CNTNAP2: variants seen among roughly 807,000 people sequenced by gnomAD.
CNTNAP2 encodes the protein contactin associated protein 2, also known as contactin-associated protein-like 2.
In CNTNAP2, 98 loss-of-function variants were observed where a neutral mutation model predicts 155.2. The observed-to-expected ratio is 0.63, with a 90% CI of 0.54 to 0.75. The LOEUF (loss-of-function observed/expected upper bound fraction) is 0.75, where lower values mean the gene tolerates loss of function less well. Ranked by LOEUF, CNTNAP2 falls within the 30% of genes least tolerant of loss-of-function variation. The pLI is 0.00. For missense variants in CNTNAP2, 1,727 were observed against 1,688.1 expected, an observed-to-expected ratio of 1.02 and a Z score of -0.40; for synonymous variants, 651 against 631.2, an observed-to-expected ratio of 1.03 and a Z score of -0.47.
chr7:147,724,904 T>A (rs1246062211), intron 13 of CNTNAP2, among the ~76,000 whole-genome samples: 1 of 151,746 alleles, frequency 6.6e-6, no homozygotes, highest in Non-Finnish European at 1.5e-5. Context: ...ATGACTGGAA[T>A]GAATGACTAA....
At chr7:147,046,427 G>T (rs1338841815) in intron 4 of CNTNAP2, among the ~76,000 whole-genome samples, 4 of 152,150 alleles carry the variant, frequency 2.6e-5, no homozygotes, top group African/African-American at 9.7e-5. Context: ...AGAATTATCT[G>T]TGCTGATATT....
At chr7:146,413,243 A>C (rs1424735034) in intron 1 of CNTNAP2, among the ~76,000 whole-genome samples, 1 of 152,188 alleles carries the variant, frequency 6.6e-6, no homozygotes, top group Non-Finnish European at 1.5e-5. Context: ...GTCCAGCCTC[A>C]TGAGAGAAGA....
intron 11 of CNTNAP2, among the ~76,000 whole-genome samples, chr7:147,491,974 C>G (rs1476942222): frequency 2.0e-5 from 3 of 152,018 alleles, no homozygotes; most frequent in African/African-American, 7.3e-5. Context: ...GTTAAGATGC[C>G]CCATTCATTA....
chr7:147,107,790 A>T (rs1036941276), intron 4 of CNTNAP2, among the ~76,000 whole-genome samples: 1 of 152,280 alleles, frequency 6.6e-6, no homozygotes, highest in African/African-American at 2.4e-5. Context: ...GGAATCAAAC[A>T]TTTAAGTCTC....
chr7:146,213,129 AT>A (rs2116885691), intron 1 of CNTNAP2, among the ~76,000 whole-genome samples: 1 of 152,322 alleles, frequency 6.6e-6, no homozygotes, highest in African/African-American at 2.4e-5. Flanking sequence ...CTAAGTTGCC[AT>A]TTCCAGATTA....
chr7:147,516,282 A>C (rs1185095955), intron 11 of CNTNAP2, among the ~76,000 whole-genome samples: 1 of 152,124 alleles, frequency 6.6e-6, no homozygotes, highest in East Asian at 1.9e-4. Context: ...AGACAAAATT[A>C]CTCAGGCTCA....
chr7:146,668,115 A>G (rs902066073), intron 1 of CNTNAP2, among the ~76,000 whole-genome samples: 2 of 151,978 alleles, frequency 1.3e-5, no homozygotes, highest in Non-Finnish European at 2.9e-5. Context: ...TGTTTGTAAT[A>G]TGTGCCTTTT....
intron 1 of CNTNAP2, among the ~76,000 whole-genome samples, chr7:146,311,499 T>C (rs758977539): frequency 2.7e-5 from 4 of 149,778 alleles, no homozygotes; most frequent in Non-Finnish European, 4.4e-5. Flanking sequence ...AGGTCAGGCA[T>C]GGTGGCTCAG....
intron 3 of CNTNAP2, among the ~76,000 whole-genome samples, chr7:146,962,626 C>T (rs1345015153): frequency 6.6e-6 from 1 of 152,206 alleles, no homozygotes. Context: ...TCTTGACTCA[C>T]TGCAACCTCC....
At chr7:146,131,834 C>T (rs368297293) in intron 1 of CNTNAP2, among the ~76,000 whole-genome samples, 5 of 151,988 alleles carry the variant, frequency 3.3e-5, no homozygotes, top group Non-Finnish European at 5.9e-5. Flanking sequence ...GGATTATGAG[C>T]GCGGTTTCCC....
chr7:148,165,944 C>T (rs1278641710), intron 17 of CNTNAP2, among the ~76,000 whole-genome samples: 1 of 152,164 alleles, frequency 6.6e-6, no homozygotes, highest in Non-Finnish European at 1.5e-5. Flanking sequence ...TCATCTCATG[C>T]CTCCTTCCCT....
In CNTNAP2 at chr7:148,416,536, T is replaced by TCTTTTTCTTTTA. The variant is rs1563081262; in HGVS notation, c.*920_*921insCTTTTTCTTTTA. On this transcript the variant is annotated 3_prime_UTR_variant, in exon 24 of 24. Coordinates refer to ENST00000361727, the MANE Select transcript of CNTNAP2 (RefSeq NM_014141.6). ...TTGTTTGCTCTTTTTCTTTTATAGT[T>TCTTTTTCTTTTA]TAGTTATAGCAAAAATATGGATAAT... 1.5e-3 allele frequency: 1 copy of TCTTTTTCTTTTA among 658 alleles called. No homozygotes were observed. The highest frequency in any genetic ancestry group is 4.3e-3 in the Non-Finnish European group (1 of 232). 0.0% of individuals were successfully genotyped at this position (658 alleles called of 1,614,324 possible). A position where few individuals can be genotyped will look rare whatever the true frequency, so the allele number is the denominator to read the frequency against.
chr7:147,038,806 G>T (rs751423528), intron 3 of CNTNAP2, among the ~76,000 whole-genome samples: 1 of 152,148 alleles, frequency 6.6e-6, no homozygotes, highest in Admixed American at 6.5e-5. Context: ...TCTTTACTCA[G>T]AGAGGGGGAT....
At position 146,869,880 on chromosome 7, in the gene CNTNAP2, G is replaced by A. The variant is rs117931503; in HGVS notation, c.402+29976G>A. Among the ~76,000 whole-genome samples the A allele has an allele frequency of 3.7e-3, 562 of 152,186 alleles. 2 individuals are homozygous for A. The highest frequency in any genetic ancestry group is 0.017 in the Middle Eastern group (5 of 292). On this transcript the variant is annotated intron_variant, in intron 3 of 23. Coordinates refer to ENST00000361727, the MANE Select transcript of CNTNAP2 (RefSeq NM_014141.6). ...TCTTCCTCTCCCAGTCCACTGACTC[G>A]AATATTAATCTCTTCTGGTAACACT... is the stretch of plus-strand genomic sequence containing the variant.
intron 1 of CNTNAP2, among the ~76,000 whole-genome samples, chr7:146,331,317 A>T (rs967247124): frequency 6.7e-5 from 9 of 134,888 alleles, no homozygotes; most frequent in Non-Finnish European, 1.1e-4. Flanking sequence ...AAAAAAAAAA[A>T]TAAAAATAAC....
intron 5 of CNTNAP2, among the ~76,000 whole-genome samples, chr7:147,118,088 C>T (rs1458832707): frequency 6.6e-6 from 1 of 151,816 alleles, no homozygotes; most frequent in African/African-American, 2.4e-5. Context: ...CAAGATAACT[C>T]ATAAAAGAAA....
At chr7:147,702,474 G>A (rs1478676153) in intron 13 of CNTNAP2, among the ~76,000 whole-genome samples, 1 of 151,688 alleles carries the variant, frequency 6.6e-6, no homozygotes, top group Admixed American at 6.6e-5. Context: ...TCCCACATAT[G>A]TTTCAGTAAG....
Position 148,083,540 on chromosome 7 carries a change from G to A in CNTNAP2, c.2384-34578G>A, listed in dbSNP as rs1265031751. ...GGAGAAAGTGGACTGAGATTTACAT[G>A]TTTTACTCCCTGAAGAGACTAGCAG... On this transcript the variant is annotated intron_variant, in intron 15 of 23. Coordinates refer to ENST00000361727, the MANE Select transcript of CNTNAP2 (RefSeq NM_014141.6). 3.9e-5 allele frequency among the ~76,000 whole-genome samples: 6 copies of A among 152,164 alleles called. No homozygotes were observed. The South Asian group carries it at 8.3e-4, about 21-fold the overall frequency.
At chr7:147,331,670 A>G (rs924720402) in intron 9 of CNTNAP2, among the ~76,000 whole-genome samples, 3 of 152,134 alleles carry the variant, frequency 2.0e-5, no homozygotes, top group African/African-American at 7.2e-5. Flanking sequence ...CACGGAGTCT[A>G]TAGAAGCCAC....
Sources: gnomAD v4.1 joint callset for allele counts (sites outside exome capture counted in the v4.1 genomes callset) on GRCh38, gnomAD v4.1.1 for gene constraint, MANE v1.5 for transcripts, NCBI Gene and HGNC (gene_info 2026-07-23, HGNC 2026-07-21) for gene names.